ZNF592: variants seen among roughly 807,000 people sequenced by gnomAD.
ZNF592 encodes the protein zinc finger protein 592.
A neutral mutation model predicts 80.3 loss-of-function variants in ZNF592; 11 were observed. The ratio of observed to expected loss-of-function variants is 0.14; its 90% confidence interval spans 0.09 to 0.23. The LOEUF (loss-of-function observed/expected upper bound fraction) is 0.23, where lower values mean the gene tolerates loss of function less well. Among genes scored for constraint, ZNF592 ranks in the 10% least tolerant of loss-of-function variants. The pLI is 1.00. For missense variants in ZNF592, 1,420 were observed against 1,633.9 expected, an observed-to-expected ratio of 0.87 and a Z score of 2.26; for synonymous variants, 646 against 640.3, an observed-to-expected ratio of 1.01 and a Z score of -0.13.
chr15:84,795,780 G>A (rs1962877324), intron 5 of ZNF592, among the ~76,000 whole-genome samples: 1 of 152,174 alleles, frequency 6.6e-6, no homozygotes, highest in African/African-American at 2.4e-5. Flanking sequence ...ATATACAAAT[G>A]TAGTAATGAA....
intron 5 of ZNF592, among the ~76,000 whole-genome samples, chr15:84,792,378 A>G (rs1184300570): frequency 2.0e-5 from 3 of 152,346 alleles, no homozygotes; most frequent in Middle Eastern, 6.8e-3. Flanking sequence ...TGTTTTAGAA[A>G]GATCATTCTG....
intron 2 of ZNF592, among the ~76,000 whole-genome samples, chr15:84,773,272 T>C (rs1389763736): frequency 6.7e-6 from 1 of 150,250 alleles, no homozygotes; most frequent in African/African-American, 2.4e-5. Flanking sequence ...AGTGCAGTGA[T>C]GCGATCTCGG....
chr15:84,750,570 G>T (rs1034490728), intron 1 of ZNF592, among the ~76,000 whole-genome samples: 7 of 152,160 alleles, frequency 4.6e-5, no homozygotes, highest in Non-Finnish European at 8.8e-5. Flanking sequence ...TTATACGGTG[G>T]CCTGGGAAGG....
chr15:84,756,281 C>T (rs979855925), intron 1 of ZNF592, among the ~76,000 whole-genome samples: 2 of 152,258 alleles, frequency 1.3e-5, no homozygotes, highest in African/African-American at 4.8e-5. Context: ...CCTTGGCAAG[C>T]TAGAGCCAAT....
At position 84,803,060 on chromosome 15, in the gene ZNF592, T is replaced by TAAGGCA. The variant is rs1212253057; in HGVS notation, c.*674_*679dup. On this transcript the variant is annotated 3_prime_UTR_variant, in exon 11 of 11. Transcript: ENST00000560079. ...TTTGGAACCTGGGCAGAGCAGGAGG[T>TAAGGCA]AAGGCAAAGGCAGGCAGGCACCAAG... 6.6e-6 allele frequency: 1 copy of TAAGGCA among 152,518 alleles called. No individual in the cohort carries two copies. Among genetic ancestry groups the TAAGGCA allele is most frequent in the Non-Finnish European group, 1.5e-5 (1 of 68,310 alleles). The allele number at this position is 152,518 out of a possible 1,614,324, so 9.4% of individuals were successfully genotyped here.
rs1222761010 is a variant in ZNF592 at position 84,805,359 on chromosome 15, A to G, written c.*2966A>G. 1.3e-5 allele frequency: 2 copies of G among 152,178 alleles called. No homozygotes were observed. Among genetic ancestry groups the G allele is most frequent in the African/African-American group, 2.4e-5 (1 of 41,426 alleles). The allele number at this position is 152,178 out of a possible 1,614,324, so 9.4% of individuals were successfully genotyped here. On this transcript the variant is annotated 3_prime_UTR_variant, in exon 11 of 11. Transcript: ENST00000560079. ...CAAGATTTTTTTAAATGGTTGTGCT[A>G]TCATTTGTCATCATCAGAAAATGCT...
chr15:84,781,284 G>A (rs925291723), intron 3 of ZNF592, among the ~76,000 whole-genome samples: 7 of 152,074 alleles, frequency 4.6e-5, no homozygotes, highest in African/African-American at 1.7e-4. Flanking sequence ...CTGACCTCAA[G>A]CTATCCACTC....
chr15:84,801,727 A>G, intron 10 of ZNF592, 136 bp from the exon 11 acceptor site: 1 of 1,252,654 alleles, frequency 8.0e-7, no homozygotes, highest in Admixed American at 2.1e-5. Context: ...AACAAACCAA[A>G]CGTAAACCAG....
In ZNF592 at chr15:84,802,120, G is replaced by A. The variant is rs745962828; in HGVS notation, c.3531G>A (p.Lys1177=). 4.6e-5 allele frequency: 74 copies of A among 1,610,758 alleles called. No individual in the cohort carries two copies. The highest frequency in any genetic ancestry group is 2.2e-4 in the South Asian group (20 of 90,934). ...GCCGCCACCTCTTCATTGTCCACAA[G>A]GTGAGAGACCAGGAGGAGGAGGAGG... ...SLSRHLFIVH[K]VRDQEEEEEE... The change falls in exon 11 of 11, where the codon AAG becomes AAA. Residue 1177 remains lysine (K), a synonymous_variant. Transcript: ENST00000560079.
At chr15:84,787,549 G>A (rs769909181) in intron 4 of ZNF592, among the ~76,000 whole-genome samples, 3 of 152,170 alleles carry the variant, frequency 2.0e-5, no homozygotes, top group Non-Finnish European at 1.5e-5. Flanking sequence ...GAACAGCATC[G>A]GTTTGGGATT....
intron 10 of ZNF592, 106 bp downstream of exon 10, chr15:84,800,083 A>G: frequency 6.4e-7 from 1 of 1,551,040 alleles, no homozygotes; most frequent in Non-Finnish European, 8.9e-7. Flanking sequence ...CCAGAGTGAC[A>G]GCTTCCCTCA....
intron 5 of ZNF592, among the ~76,000 whole-genome samples, chr15:84,792,017 T>G (rs1239722320): frequency 6.6e-6 from 1 of 151,120 alleles, no homozygotes; most frequent in Admixed American, 6.6e-5. Flanking sequence ...AGCAGGGGAG[T>G]GATTTGGCTA....
intron 2 of ZNF592, among the ~76,000 whole-genome samples, chr15:84,775,765 A>G (rs139513521): frequency 3.9e-5 from 6 of 152,246 alleles, no homozygotes; most frequent in East Asian, 1.9e-4. Context: ...AATAATTCCA[A>G]TAGGGTGATT....
intron 10 of ZNF592, among the ~76,000 whole-genome samples, chr15:84,801,583 T>C (rs1402013918): frequency 6.6e-6 from 1 of 152,228 alleles, no homozygotes; most frequent in Non-Finnish European, 1.5e-5. Flanking sequence ...AGGATACCTC[T>C]TGGAGGAGCC....
rs933295460 is a variant in ZNF592, at chr15:84,791,219, T to C, written c.2399+336T>C. Among the ~76,000 whole-genome samples, 26 of 152,232 alleles carry C rather than the reference T, an allele frequency of 1.7e-4. No individual in the cohort carries two copies. In the South Asian group the frequency reaches 2.9e-3, roughly 17 times the overall value. ...TATGTTTGGCACATTAAATGTAAAG[T>C]GCTGTTTCAATAATGAATGTACTAA... On this transcript the variant is annotated intron_variant, in intron 5 of 10. Coordinates refer to ENST00000560079, the MANE Select transcript of ZNF592 (RefSeq NM_014630.3).
intron 4 of ZNF592, among the ~76,000 whole-genome samples, chr15:84,787,432 G>A (rs1962622392): frequency 6.6e-6 from 1 of 152,326 alleles, no homozygotes; most frequent in South Asian, 2.1e-4. Context: ...TAGGCTTGAT[G>A]GCTGCTGGGC....
intron 2 of ZNF592, among the ~76,000 whole-genome samples, chr15:84,772,905 T>C (rs1192074149): frequency 6.6e-6 from 1 of 152,228 alleles, no homozygotes; most frequent in Non-Finnish European, 1.5e-5. Context: ...GCCTCCTTAA[T>C]GTCCTGTTAC....
In ZNF592 at chr15:84,784,856, T is replaced by G; in HGVS notation, c.2181T>G (p.Ala727=). ...HKQMRDYMVL[A]AHFQRTTEET... ...AGATGCGGGACTACATGGTCCTGGC[T>G]GCACATTTCCAGAGGACAACAGAGG... The change falls in exon 4 of 11, where the codon GCT becomes GCG. Residue 727 remains alanine (A), a synonymous_variant. Transcript: ENST00000560079. This position sits in a 1 kb window ranked among gnomAD's most constrained non-coding sequence, Gnocchi z 5.8. 1.9e-6 allele frequency: 3 copies of G among 1,614,138 alleles called. No individual in the cohort carries two copies. The highest frequency in any genetic ancestry group is 2.5e-6 in the Non-Finnish European group (3 of 1,180,036).
chr15:84,796,294 TA>T (rs781339991), intron 5 of ZNF592, among the ~76,000 whole-genome samples: 4 of 43,490 alleles, frequency 9.2e-5, no homozygotes, highest in African/African-American at 3.6e-4. Flanking sequence ...TATATATATA[TA>T]AAAAAACGAA....
Sources: gnomAD v4.1 joint callset for allele counts (sites outside exome capture counted in the v4.1 genomes callset) on GRCh38, gnomAD v4.1.1 for gene constraint, Gnocchi (gnomAD v3.1) non-coding constraint, MANE v1.5 for transcripts, NCBI Gene and HGNC (gene_info 2026-07-23, HGNC 2026-07-21) for gene names.